The following NEGR1 variants were observed in gnomAD, a reference collection of about 807,000 sequenced individuals.
The protein encoded by NEGR1 is neuronal growth regulator 1.
NEGR1 carries 10 observed loss-of-function variants against 40.9 expected under a neutral mutation model. That is an observed-to-expected ratio of 0.24 (90% CI 0.15 to 0.42). NEGR1 has a LOEUF of 0.42. Among genes scored for constraint, NEGR1 ranks in the 10% least tolerant of loss-of-function variants. The pLI is 1.00. For missense variants in NEGR1, 352 were observed against 438.9 expected (o/e 0.80, Z 1.77); for synonymous variants, 185 against 166.8 (o/e 1.11, Z -0.84).
intron 2 of NEGR1, among the ~76,000 whole-genome samples, chr1:71,840,382 G>GA (rs959235215): frequency 4.0e-5 from 6 of 149,518 alleles, no homozygotes; most frequent in South Asian, 4.2e-4. Flanking sequence ...CTCTAGAATT[G>GA]AAAAAAAAAG....
intron 2 of NEGR1, among the ~76,000 whole-genome samples, chr1:71,930,052 G>A (rs532836969): frequency 3.4e-4 from 52 of 152,154 alleles, no homozygotes; most frequent in African/African-American, 1.2e-3. Flanking sequence ...GTGGAGTTTT[G>A]CCTAAGAAGG....
Position 72,097,049 on chromosome 1 carries a change from G to A in NEGR1, c.177-161738C>T, listed in dbSNP as rs547733319. Among the ~76,000 whole-genome samples, 4 of 152,064 alleles carry A rather than the reference G, an allele frequency of 2.6e-5. No individual in the cohort carries two copies. The East Asian group carries it at 5.8e-4, about 22-fold the overall frequency. ...TTGCACTTTCAAGTTTAAATTTGCA[G>A]GCAAAATAAAATTTTATAAAGTCTT... On this transcript the variant is annotated intron_variant, in intron 1 of 6. Transcript: ENST00000357731.
intron 6 of NEGR1, among the ~76,000 whole-genome samples, chr1:71,556,306 A>G (rs548600965): frequency 2.6e-5 from 4 of 151,628 alleles, no homozygotes; most frequent in South Asian, 4.2e-4. Context: ...TGTCTAAAAC[A>G]ATTGGTTCAT....
At chr1:71,426,768 T>C (rs1646431298) in intron 6 of NEGR1, among the ~76,000 whole-genome samples, 1 of 152,118 alleles carries the variant, frequency 6.6e-6, no homozygotes, top group Admixed American at 6.5e-5. Flanking sequence ...AATTGAAAAA[T>C]TCCTATCTGT....
At position 72,217,267 on chromosome 1, in the gene NEGR1, T is replaced by C. The variant is rs552722739; in HGVS notation, c.176+65052A>G. Among the ~76,000 whole-genome samples the C allele has an allele frequency of 7.9e-5, 12 of 151,924 alleles. No homozygotes were observed. The East Asian group carries it at 1.9e-3, about 24-fold the overall frequency. On this transcript the variant is annotated intron_variant, in intron 1 of 6. Coordinates refer to ENST00000357731, the MANE Select transcript of NEGR1 (RefSeq NM_173808.3). ...GAAATATCAGATTATGATGTTTCAA[T>C]TATGAAAATAAACATTTTAAACCCA...
chr1:71,722,022 C>T (rs1168413731), intron 3 of NEGR1, among the ~76,000 whole-genome samples: 1 of 152,078 alleles, frequency 6.6e-6, no homozygotes, highest in Non-Finnish European at 1.5e-5. Context: ...TAGATTTTAA[C>T]TAGGGTAAGA....
intron 4 of NEGR1, among the ~76,000 whole-genome samples, chr1:71,642,019 C>T (rs1013420718): frequency 9.2e-5 from 14 of 151,948 alleles, no homozygotes; most frequent in Admixed American, 9.2e-4. Context: ...TACCTGATAG[C>T]TCTGTCCAAG....
At chr1:71,830,962 A>G (rs938701175) in intron 2 of NEGR1, among the ~76,000 whole-genome samples, 4 of 151,902 alleles carry the variant, frequency 2.6e-5, no homozygotes, top group African/African-American at 9.7e-5. Context: ...AATGTGTACC[A>G]TTTGGAGATA....
intron 6 of NEGR1, among the ~76,000 whole-genome samples, chr1:71,495,090 T>A (rs1333349489): frequency 6.6e-6 from 1 of 152,200 alleles, no homozygotes; most frequent in African/African-American, 2.4e-5. Flanking sequence ...CTAACACACA[T>A]AAAATACAAA....
chr1:71,913,325 G>T (rs1661475723), intron 2 of NEGR1, among the ~76,000 whole-genome samples: 1 of 152,072 alleles, frequency 6.6e-6, no homozygotes, highest in Non-Finnish European at 1.5e-5. Flanking sequence ...ATGTTGGCCA[G>T]GTTGGTCTTG....
chr1:72,127,880 C>T (rs937903673), intron 1 of NEGR1, among the ~76,000 whole-genome samples: 4 of 151,954 alleles, frequency 2.6e-5, no homozygotes, highest in African/African-American at 7.2e-5. Context: ...CAGAAGTAAA[C>T]ATTATTTCTA....
At chr1:71,783,297 A>C (rs1246349653) in intron 2 of NEGR1, among the ~76,000 whole-genome samples, 1 of 152,112 alleles carries the variant, frequency 6.6e-6, no homozygotes, top group Non-Finnish European at 1.5e-5. Context: ...GCCTGCCCCC[A>C]AAAAGTGAAA....
intron 1 of NEGR1, among the ~76,000 whole-genome samples, chr1:72,079,863 GT>G (rs1647912962): frequency 6.6e-6 from 1 of 151,834 alleles, no homozygotes; most frequent in African/African-American, 2.4e-5. Context: ...ATATATATTT[GT>G]TATATTAAAA....
At chr1:71,494,041 G>A (rs1646946443) in intron 6 of NEGR1, among the ~76,000 whole-genome samples, 1 of 152,180 alleles carries the variant, frequency 6.6e-6, no homozygotes, top group Non-Finnish European at 1.5e-5. Context: ...TTTAGACAGT[G>A]TAATAAGGAA....
rs1158006683 is a variant in NEGR1, at chr1:71,942,455, CTATATA to C, written c.177-7150_177-7145del. 6.7e-3 allele frequency among the ~76,000 whole-genome samples: 142 copies of C among 21,292 alleles called. 3 individuals carry two copies. The highest frequency in any genetic ancestry group is 0.056 in the Middle Eastern group (1 of 18). The allele number at this position is 21,292 out of a possible 152,430, so 14.0% of individuals were successfully genotyped here. A position where few individuals can be genotyped will look rare whatever the true frequency, so the allele number is the denominator to read the frequency against. ...ATGCACAACTTAAAATTCTTTAAAT[CTATATA>C]TATATATATATATATATATATATTT... is the stretch of plus-strand genomic sequence containing the variant. On this transcript the variant is annotated intron_variant, in intron 1 of 6. Coordinates refer to ENST00000357731, the MANE Select transcript of NEGR1 (RefSeq NM_173808.3).
chr1:71,877,003 G>T (rs1277834571), intron 2 of NEGR1, among the ~76,000 whole-genome samples: 1 of 151,608 alleles, frequency 6.6e-6, no homozygotes, highest in Non-Finnish European at 1.5e-5. Flanking sequence ...AAAAAAAATA[G>T]CAGTAATAGT....
intron 6 of NEGR1, among the ~76,000 whole-genome samples, chr1:71,547,445 T>G (rs910996234): frequency 5.9e-5 from 9 of 151,770 alleles, no homozygotes; most frequent in African/African-American, 1.9e-4. Context: ...TATTCTTGTG[T>G]CTTCCCTGTT....
intron 1 of NEGR1, among the ~76,000 whole-genome samples, chr1:72,079,406 C>T (rs1647891462): frequency 6.6e-6 from 1 of 151,792 alleles, no homozygotes; most frequent in South Asian, 2.1e-4. Context: ...ATCAAAAGTC[C>T]ATAGGAAAAT....
At chr1:71,445,600 A>C (rs556621497) in intron 6 of NEGR1, among the ~76,000 whole-genome samples, 242 of 152,312 alleles carry the variant, frequency 1.6e-3, no homozygotes, top group Middle Eastern at 6.8e-3. Context: ...AAATTCTCAA[A>C]ACAAAAAAAC....
Sources: gnomAD v4.1 joint callset for allele counts (sites outside exome capture counted in the v4.1 genomes callset) on GRCh38, gnomAD v4.1.1 for gene constraint, MANE v1.5 for transcripts, NCBI Gene and HGNC (gene_info 2026-07-23, HGNC 2026-07-21) for gene names.